CSMD1: variants seen among roughly 807,000 people sequenced by gnomAD.
CSMD1 encodes CUB and sushi domain-containing protein 1.
CSMD1 carries 213 observed loss-of-function variants against 417.5 expected under a neutral mutation model. The ratio of observed to expected loss-of-function variants is 0.51; its 90% CI spans 0.46 to 0.57. The LOEUF (loss-of-function observed/expected upper bound fraction) is 0.57, where lower values mean the gene tolerates loss of function less well. Among genes scored for constraint, CSMD1 ranks in the 20% least tolerant of loss-of-function variants. The pLI, the probability that CSMD1 is intolerant of heterozygous loss-of-function variation, is 0.00. For synonymous variants in CSMD1, 2,862 were observed against 1,736.8 expected (o/e 1.65, Z -16.11); for missense variants, 6,923 against 4,529.7 (o/e 1.53, Z -15.17).
At chr8:4,743,768 C>A (rs1009604362) in intron 1 of CSMD1, among the ~76,000 whole-genome samples, 1 of 152,136 alleles carries the variant, frequency 6.6e-6, no homozygotes, top group African/African-American at 2.4e-5. Context: ...TGAAGTTTTG[C>A]CTATTACACT....
At chr8:3,903,424 T>C (rs1016678621) in intron 5 of CSMD1, among the ~76,000 whole-genome samples, 1 of 152,186 alleles carries the variant, frequency 6.6e-6, no homozygotes, top group African/African-American at 2.4e-5. Flanking sequence ...TTAATATTAA[T>C]GTGATATTAA....
intron 2 of CSMD1, among the ~76,000 whole-genome samples, chr8:4,531,501 C>G (rs7004990): frequency 0.62 from 94,867 of 151,860 alleles, 30,603 homozygotes; most frequent in African/African-American, 0.78. Flanking sequence ...ATAAGTATAA[C>G]GTCACCTGCC....
chr8:3,598,389 C>T (rs1229265539), intron 8 of CSMD1: 3 of 152,150 alleles, frequency 2.0e-5, no homozygotes, highest in Admixed American at 6.5e-5. Context: ...TTAATGCTCA[C>T]GTCAGTCTCT....
At chr8:4,806,127 T>C (rs940825236) in intron 1 of CSMD1, among the ~76,000 whole-genome samples, 2 of 152,294 alleles carry the variant, frequency 1.3e-5, no homozygotes, top group African/African-American at 4.8e-5. Context: ...TTTAATTACC[T>C]AACTTTCAAA....
chr8:4,392,631 T>C (rs993826229), intron 3 of CSMD1, among the ~76,000 whole-genome samples: 13 of 150,806 alleles, frequency 8.6e-5, no homozygotes, highest in Non-Finnish European at 1.8e-4. Context: ...AGAGCAGGGG[T>C]TTTTTGGGGG....
intron 10 of CSMD1, among the ~76,000 whole-genome samples, chr8:3,536,266 T>C (rs1157498336): frequency 6.6e-6 from 1 of 152,234 alleles, no homozygotes; most frequent in African/African-American, 2.4e-5. Flanking sequence ...AATAAGTTTG[T>C]GTGTATGACA....
chr8:3,353,889 G>C (rs1028922543), intron 21 of CSMD1, among the ~76,000 whole-genome samples: 1 of 152,148 alleles, frequency 6.6e-6, no homozygotes, highest in Non-Finnish European at 1.5e-5. Flanking sequence ...TAACACAGAA[G>C]AAAGGAGTTA....
intron 5 of CSMD1, among the ~76,000 whole-genome samples, chr8:3,901,447 T>C (rs1807746120): frequency 6.6e-6 from 1 of 152,250 alleles, no homozygotes; most frequent in Admixed American, 6.5e-5. Flanking sequence ...CTTACTCTAA[T>C]GACTTCAAAT....
At position 3,617,500 on chromosome 8, in the gene CSMD1, G is replaced by A. The variant is rs76172492; in HGVS notation, c.1010-703C>T. Reference sequence around the variant, plus strand: ...TTTTCTCCCAGGAATTTGCTTAGCAGAGGGCTTGGGACCCAATTCAGTATA... The same window carrying A: ...TTTTCTCCCAGGAATTTGCTTAGCAAAGGGCTTGGGACCCAATTCAGTATA... On this transcript the variant is annotated intron_variant, in intron 7 of 69. Transcript: ENST00000635120. Among the ~76,000 whole-genome samples the A allele has an allele frequency of 7.9e-3, 1,197 of 152,184 alleles. 36 individuals are homozygous for A. The highest frequency in any genetic ancestry group is 6.1e-3 in the Non-Finnish European group (413 of 68,024).
At chr8:4,029,073 A>G (rs997331561) in intron 4 of CSMD1, among the ~76,000 whole-genome samples, 2 of 152,228 alleles carry the variant, frequency 1.3e-5, no homozygotes, top group African/African-American at 4.8e-5. Context: ...GTGTTGAAAG[A>G]GTTCTTAAAA....
chr8:4,740,635 G>A (rs540590735), intron 1 of CSMD1, among the ~76,000 whole-genome samples: 24 of 152,314 alleles, frequency 1.6e-4, no homozygotes, highest in Non-Finnish European at 2.9e-4. Context: ...ACATCTACGA[G>A]GAGTATGTGC....
chr8:3,684,296 A>AC (rs1799825443), intron 7 of CSMD1, among the ~76,000 whole-genome samples: 1 of 144,472 alleles, frequency 6.9e-6, no homozygotes, highest in Admixed American at 7.2e-5. Context: ...ATAATATATA[A>AC]ATTATATATT....
At chr8:4,991,022 G>T (rs969460928) in intron 1 of CSMD1, among the ~76,000 whole-genome samples, 1 of 152,096 alleles carries the variant, frequency 6.6e-6, no homozygotes, top group African/African-American at 2.4e-5. Flanking sequence ...CTGCTCTGGC[G>T]TAGTAGTGTT....
chr8:3,649,275 C>T (rs185393975), intron 7 of CSMD1, among the ~76,000 whole-genome samples: 172 of 152,250 alleles, frequency 1.1e-3, no homozygotes, highest in Non-Finnish European at 8.5e-4. Flanking sequence ...CTTAATATTA[C>T]TATGTGAGAA....
chr8:4,788,697 A>G, intron 1 of CSMD1: 1 of 537,652 alleles, frequency 1.9e-6, no homozygotes, highest in Non-Finnish European at 3.3e-6. Context: ...CACAAATAAA[A>G]TGTATTAGTG....
intron 29 of CSMD1, 29 bp downstream of exon 29, chr8:3,219,226 T>A (rs1377141784): frequency 1.3e-6 from 2 of 1,547,676 alleles, no homozygotes; most frequent in Non-Finnish European, 1.8e-6. Context: ...ACAAATTAAT[T>A]CCCACTCAAA....
At chr8:3,924,278 G>A (rs1033735008) in intron 5 of CSMD1, among the ~76,000 whole-genome samples, 1 of 152,260 alleles carries the variant, frequency 6.6e-6, no homozygotes, top group East Asian at 1.9e-4. Context: ...GTTGTAAACT[G>A]CTTTCCTCTT....
At chr8:4,064,832 T>C (rs1226824068) in intron 3 of CSMD1, among the ~76,000 whole-genome samples, 5 of 152,114 alleles carry the variant, frequency 3.3e-5, no homozygotes, top group Admixed American at 2.0e-4. Flanking sequence ...CTATATCATG[T>C]CAATAATGTG....
intron 1 of CSMD1, among the ~76,000 whole-genome samples, chr8:4,727,772 G>A (rs938677082): frequency 3.1e-4 from 47 of 151,526 alleles, no homozygotes; most frequent in African/African-American, 1.0e-3. Context: ...GCTGCTCTCT[G>A]CTTCCAGGTG....
Sources: allele counts gnomAD v4.1 joint callset (sites outside exome capture counted in the v4.1 genomes callset), GRCh38; gene constraint gnomAD v4.1.1; transcripts MANE v1.5; gene names NCBI Gene and HGNC (gene_info 2026-07-23, HGNC 2026-07-21).